The following PTPRD variants were observed in gnomAD, a reference collection of about 807,000 sequenced individuals.
PTPRD encodes the protein protein tyrosine phosphatase receptor type D, also known as receptor-type tyrosine-protein phosphatase delta.
In PTPRD, 34 loss-of-function variants were observed where a neutral mutation model predicts 214.5. The observed-to-expected ratio is 0.16, with a 90% confidence interval of 0.12 to 0.21. The LOEUF (loss-of-function observed/expected upper bound fraction) is 0.21, where lower values mean the gene tolerates loss of function less well. Ranked by LOEUF, PTPRD falls within the 10% of genes least tolerant of loss-of-function variation. The pLI, the probability that PTPRD is intolerant of heterozygous loss-of-function variation, is 1.00. For missense variants in PTPRD, 2,545 were observed against 2,398.7 expected (o/e 1.06, Z -1.27); for synonymous variants, 1,128 against 845.7 (o/e 1.33, Z -5.79).
chr9:9,298,461 G>A (rs1595392971), intron 9 of PTPRD, among the ~76,000 whole-genome samples: 1 of 151,650 alleles, frequency 6.6e-6, no homozygotes, highest in Non-Finnish European at 1.5e-5. Flanking sequence ...CACTTAAAAA[G>A]TTGTAATAGG....
intron 2 of PTPRD, among the ~76,000 whole-genome samples, chr9:10,488,947 C>A (rs946196679): frequency 6.6e-6 from 1 of 152,116 alleles, no homozygotes. Context: ...TGGTGCTCTA[C>A]CCCACTGTAT....
intron 8 of PTPRD, among the ~76,000 whole-genome samples, chr9:9,555,083 G>A (rs112435705): frequency 6.9e-4 from 105 of 152,106 alleles, no homozygotes; most frequent in African/African-American, 2.5e-3. Flanking sequence ...AAAGGCATAA[G>A]TGCATAATGT....
At chr9:8,972,611 C>T (rs899557757) in intron 11 of PTPRD, among the ~76,000 whole-genome samples, 2 of 151,846 alleles carry the variant, frequency 1.3e-5, no homozygotes, top group Admixed American at 1.3e-4. Context: ...TAGTCAATAA[C>T]CTTGATATTA....
intron 2 of PTPRD, among the ~76,000 whole-genome samples, chr9:10,525,257 C>A (rs1469736983): frequency 6.6e-6 from 1 of 151,846 alleles, no homozygotes; most frequent in Non-Finnish European, 1.5e-5. Flanking sequence ...TGAAGAAGCC[C>A]TGCAATAATA....
intron 9 of PTPRD, among the ~76,000 whole-genome samples, chr9:9,197,275 T>G (rs191285134): frequency 3.9e-5 from 6 of 152,244 alleles, no homozygotes; most frequent in African/African-American, 9.6e-5. Flanking sequence ...ATCACTCCCT[T>G]ACTAAAGTCC....
At chr9:9,507,128 A>G (rs1448224215) in intron 8 of PTPRD, among the ~76,000 whole-genome samples, 1 of 151,474 alleles carries the variant, frequency 6.6e-6, no homozygotes, top group Non-Finnish European at 1.5e-5. Context: ...TGAAATTTTA[A>G]AAAGAATTTG....
intron 3 of PTPRD, among the ~76,000 whole-genome samples, chr9:10,339,356 T>G (rs1199935234): frequency 6.6e-6 from 1 of 151,780 alleles, no homozygotes; most frequent in East Asian, 1.9e-4. Flanking sequence ...ACCTTCTTCC[T>G]GTTTGTTTTG....
At position 9,899,192 on chromosome 9, in the gene PTPRD, G is replaced by C. The variant is rs56028909; in HGVS notation, c.-368+39315C>G. On this transcript the variant is annotated intron_variant, in intron 5 of 45. Transcript: ENST00000381196. ...GAACAAATCTAACAAAATATGTAGA[G>C]AATCTGTAGGTAGAGAACCACAAAA... Among the ~76,000 whole-genome samples the C allele has an allele frequency of 4.2e-3, 639 of 152,090 alleles. 6 individuals carry two copies. Among genetic ancestry groups the C allele is most frequent in the African/African-American group, 0.015 (609 of 41,522 alleles).
intron 14 of PTPRD, among the ~76,000 whole-genome samples, chr9:8,628,313 T>C (rs1451090177): frequency 6.6e-6 from 1 of 151,904 alleles, no homozygotes; most frequent in African/African-American, 2.4e-5. Context: ...GCCTTCTCCC[T>C]GAAAGATTGT....
chr9:10,044,493 T>C (rs1182064705), intron 3 of PTPRD, among the ~76,000 whole-genome samples: 1 of 151,820 alleles, frequency 6.6e-6, no homozygotes, highest in African/African-American at 2.4e-5. Context: ...GTTAAAATCA[T>C]TGCTATCTGA....
intron 11 of PTPRD, among the ~76,000 whole-genome samples, chr9:8,802,205 G>C (rs2096585683): frequency 6.6e-6 from 1 of 152,116 alleles, no homozygotes; most frequent in African/African-American, 2.4e-5. Flanking sequence ...GGGATTATCT[G>C]AGTAATGTTC....
intron 3 of PTPRD, among the ~76,000 whole-genome samples, chr9:10,254,158 A>G (rs1029326617): frequency 1.3e-5 from 2 of 152,132 alleles, no homozygotes; most frequent in Non-Finnish European, 2.9e-5. Flanking sequence ...CCAGTTTTAA[A>G]TTTTTGTTTA....
chr9:10,602,841 G>T (rs2078325495), intron 2 of PTPRD, among the ~76,000 whole-genome samples: 1 of 151,576 alleles, frequency 6.6e-6, no homozygotes. Context: ...ATTATTATGT[G>T]GGGCATGCAT....
chr9:8,365,869 G>A (rs761339269), intron 39 of PTPRD, among the ~76,000 whole-genome samples: 5 of 152,164 alleles, frequency 3.3e-5, no homozygotes, highest in Non-Finnish European at 7.3e-5. Flanking sequence ...CAAGCTGACT[G>A]AGAAAAAGAG....
At chr9:8,483,836 T>G (rs947090193) in intron 30 of PTPRD, among the ~76,000 whole-genome samples, 7 of 151,802 alleles carry the variant, frequency 4.6e-5, no homozygotes, top group African/African-American at 1.7e-4. Flanking sequence ...ACAAAAAGCT[T>G]TGTAGTAAGA....
intron 12 of PTPRD, among the ~76,000 whole-genome samples, chr9:8,693,265 T>C (rs748573640): frequency 6.8e-4 from 104 of 152,236 alleles, no homozygotes; most frequent in Non-Finnish European, 1.4e-3. Flanking sequence ...CTCAGTTGAG[T>C]AGTGGAACAC....
At chr9:9,359,175 T>G (rs1320174871) in intron 9 of PTPRD, among the ~76,000 whole-genome samples, 2 of 151,374 alleles carry the variant, frequency 1.3e-5, no homozygotes, top group African/African-American at 4.8e-5. Flanking sequence ...CATTATATCC[T>G]TCAGTTTTCT....
At chr9:9,905,494 T>A (rs538591970) in intron 5 of PTPRD, among the ~76,000 whole-genome samples, 38 of 152,018 alleles carry the variant, frequency 2.5e-4, no homozygotes, top group Admixed American at 6.6e-4. Context: ...TACATACCTA[T>A]ATACTAGTTA....
chr9:9,721,837 G>T (rs994373200), intron 7 of PTPRD, among the ~76,000 whole-genome samples: 1 of 152,058 alleles, frequency 6.6e-6, no homozygotes, highest in East Asian at 1.9e-4. Context: ...TCATTTTAGT[G>T]CATTGAAATG....
Sources: gnomAD v4.1 joint callset for allele counts (sites outside exome capture counted in the v4.1 genomes callset) on GRCh38, gnomAD v4.1.1 for gene constraint, MANE v1.5 for transcripts, NCBI Gene and HGNC (gene_info 2026-07-23, HGNC 2026-07-21) for gene names.